Variants in BRWD1 observed in about 807,000 individuals in gnomAD.
BRWD1 encodes bromodomain and WD repeat domain containing 1, also known as bromodomain and WD repeat-containing protein 1.
Under a neutral mutation model 251.2 loss-of-function variants are expected in BRWD1, and 82 were observed. The observed-to-expected ratio is 0.33, with a 90% CI of 0.27 to 0.39. The LOEUF (loss-of-function observed/expected upper bound fraction) is 0.39. Among genes scored for constraint, BRWD1 ranks in the 10% least tolerant of loss-of-function variants. The pLI, the probability that BRWD1 is intolerant of heterozygous loss-of-function variation, is 1.00. For synonymous variants in BRWD1, 918 were observed against 902.8 expected (o/e 1.02, Z -0.30); for missense variants, 2,233 against 2,711.6 (o/e 0.82, Z 3.92).
intron 8 of BRWD1, among the ~76,000 whole-genome samples, chr21:39,280,937 TAAAC>T (rs987637626): frequency 1.3e-5 from 2 of 152,122 alleles, no homozygotes; most frequent in African/African-American, 4.8e-5. Context: ...CCAAAAGTGC[TAAAC>T]AAGCAAGCTA....
chr21:39,276,787 C>T (rs2836970), intron 11 of BRWD1, among the ~76,000 whole-genome samples: 15,511 of 152,044 alleles, frequency 0.1, 927 homozygotes, highest in East Asian at 0.14. Flanking sequence ...GTTAACCCAC[C>T]CAGATCAACT....
intron 37 of BRWD1, among the ~76,000 whole-genome samples, chr21:39,203,093 A>G (rs1013123185): frequency 5.9e-5 from 9 of 152,248 alleles, no homozygotes; most frequent in African/African-American, 2.2e-4. Context: ...ATTATGAGAA[A>G]GGAGAATGGA....
intron 8 of BRWD1, among the ~76,000 whole-genome samples, chr21:39,290,830 C>T (rs2146737561): frequency 6.6e-6 from 1 of 152,192 alleles, no homozygotes; most frequent in Middle Eastern, 3.4e-3. Context: ...GCTTAAACTT[C>T]CAAAATAAAA....
chr21:39,210,255 TAG>T (rs35580733), intron 35 of BRWD1, 108 bp from the exon 36 acceptor site: 158,694 of 895,084 alleles, frequency 0.18, 16,144 homozygotes, highest in Non-Finnish European at 0.21. Flanking sequence ...AGGAAAAGGT[TAG>T]AGGACTCTTA....
chr21:39,278,633 C>A, intron 10 of BRWD1, 110 bp downstream of exon 10: 1 of 716,262 alleles, frequency 1.4e-6, no homozygotes. Flanking sequence ...ATGAAATAAA[C>A]ACCAGAAGTC....
rs755042543 is a variant in BRWD1, at chr21:39,276,251, C to T, written c.1105-38G>A. ...AAAGGACAAATACAAAAATGATCAT[C>T]TACATGGTCTGTGAATTTGAAAAAA... On this transcript the variant is annotated intron_variant, in intron 11 of 40. Transcript: ENST00000342449. 5.2e-6 allele frequency: 8 copies of T among 1,541,974 alleles called. No individual in the cohort carries two copies. The Admixed American group carries it at 1.6e-4, about 30-fold the overall frequency.
chr21:39,198,855 A>AT lies in BRWD1; in HGVS notation c.5560dup (p.Ile1854AsnfsTer13). 6.2e-7 allele frequency: 1 copy of AT among 1,613,862 alleles called. No homozygotes were observed. The highest frequency in any genetic ancestry group is 8.5e-7 in the Non-Finnish European group (1 of 1,179,746). ...ATCTGAGGAACACTGGGACATAGCA[A>AT]TAGGGTCACAGTTCAGATTTCCTGA... On this transcript the variant is annotated frameshift_variant, in exon 40 of 41. Coordinates refer to ENST00000342449, the MANE Select transcript of BRWD1 (RefSeq NM_033656.4). LOFTEE classifies it high-confidence loss of function.
rs567136270 is a variant in BRWD1 at position 39,196,439 on chromosome 21, G to C, written c.6630C>G (p.Arg2210=). 6.2e-7 allele frequency: 1 copy of C among 1,613,440 alleles called. No individual in the cohort carries two copies. Among genetic ancestry groups the C allele is most frequent in the African/African-American group, 1.3e-5 (1 of 74,842 alleles). The change falls in exon 41 of 41, where the codon CGC becomes CGG. Residue 2210 remains arginine, a synonymous_variant. Coordinates refer to ENST00000342449, the MANE Select transcript of BRWD1 (RefSeq NM_033656.4). ...CATTATCATCCACACTTAACCTAGG[G>C]CGTTTGCTTTGTCTTTGACGTCTCA... is the stretch of plus-strand genomic sequence containing the variant. The part of the protein sequence containing the change: ...KTVRRQRQSK[R]PRLSVDDNDW...
intron 1 of BRWD1, among the ~76,000 whole-genome samples, chr21:39,320,655 TTA>T (rs2036737711): frequency 6.7e-6 from 1 of 148,922 alleles, no homozygotes; most frequent in African/African-American, 2.5e-5. Context: ...TTCAAAAACC[TTA>T]GAGTCATATC....
At chr21:39,252,820 A>G (rs917244315) in intron 19 of BRWD1, among the ~76,000 whole-genome samples, 1 of 152,126 alleles carries the variant, frequency 6.6e-6, no homozygotes. Context: ...CTGGTCAATG[A>G]GTTATAAGCA....
At chr21:39,294,067 A>C in intron 7 of BRWD1, 35 bp from the exon 8 acceptor site, 1 of 1,543,490 alleles carries the variant, frequency 6.5e-7, no homozygotes, top group Non-Finnish European at 8.9e-7. Context: ...TAATGTTAGT[A>C]CAGCAAATCT....
chr21:39,237,285 C>CA (rs531770398), intron 22 of BRWD1, among the ~76,000 whole-genome samples: 6 of 152,280 alleles, frequency 3.9e-5, no homozygotes, highest in Non-Finnish European at 7.4e-5. Context: ...CTTAAGTAGT[C>CA]AGTTTCTTGC....
intron 3 of BRWD1, 51 bp from the exon 4 acceptor site, chr21:39,312,951 G>T (rs769682120): frequency 5.6e-6 from 2 of 356,786 alleles, no homozygotes; most frequent in East Asian, 8.6e-5. Context: ...GCGCGGGGGG[G>T]GCGGGGGGCG....
At chr21:39,314,400 C>T (rs1377227256), upstream of BRWD1, 23 of 451,600 alleles carry the variant, frequency 5.1e-5, no homozygotes, top group East Asian at 1.5e-3. Context: ...GACGGCTCGG[C>T]TGGATCCATC....
chr21:39,279,851 A>T (rs1358291066), intron 9 of BRWD1, among the ~76,000 whole-genome samples: 1 of 152,250 alleles, frequency 6.6e-6, no homozygotes, highest in East Asian at 1.9e-4. Flanking sequence ...TATGACTCTC[A>T]AATGTTCCTG....
intron 31 of BRWD1, chr21:39,217,205 C>T (rs1415306420): frequency 6.7e-6 from 1 of 150,272 alleles, no homozygotes; most frequent in Non-Finnish European, 1.5e-5. Context: ...AAGCAATTCT[C>T]CTGCCTCAGC....
At chr21:39,304,683 A>C (rs1601503270) in intron 4 of BRWD1, among the ~76,000 whole-genome samples, 1 of 152,290 alleles carries the variant, frequency 6.6e-6, no homozygotes, top group East Asian at 1.9e-4. Context: ...CACGCTGTTT[A>C]CGGGAGATAA....
At chr21:39,241,538 A>ACAGGAGC (rs1330913752) in intron 21 of BRWD1, among the ~76,000 whole-genome samples, 1 of 146,462 alleles carries the variant, frequency 6.8e-6, no homozygotes, top group East Asian at 2.0e-4. Context: ...TAAATAAATA[A>ACAGGAGC]CAGGAGCCAG....
upstream of BRWD1, chr21:39,314,087 C>T (rs1347955325): frequency 6.6e-6 from 3 of 455,934 alleles, no homozygotes; most frequent in Non-Finnish European, 8.8e-6. Context: ...AGGGTCATTT[C>T]ACGGACCGGT....
Sources: allele counts gnomAD v4.1 joint callset (sites outside exome capture counted in the v4.1 genomes callset), GRCh38; gene constraint gnomAD v4.1.1; transcripts MANE v1.5; gene names NCBI Gene and HGNC (gene_info 2026-07-23, HGNC 2026-07-21).